The following MEGF6 variants were observed in gnomAD, a reference collection of about 807,000 sequenced individuals.
The protein encoded by MEGF6 is multiple EGF like domains 6.
In MEGF6, 184 loss-of-function variants were observed where a neutral mutation model predicts 207.1. The ratio of observed to expected loss-of-function variants is 0.89; its 90% CI spans 0.79 to 1.00. The LOEUF (loss-of-function observed/expected upper bound fraction) is 1.00. Ranked by LOEUF, MEGF6 falls within the 50% of genes least tolerant of loss-of-function variation. The pLI is 0.00. For synonymous variants in MEGF6, 1,038 were observed against 910.0 expected (o/e 1.14, Z -2.53); for missense variants, 2,282 against 2,202.9 (o/e 1.04, Z -0.72).
chr1:3,577,829 G>GC (rs905619129), intron 4 of MEGF6, among the ~76,000 whole-genome samples: 3 of 152,204 alleles, frequency 2.0e-5, no homozygotes, highest in Admixed American at 1.3e-4. Context: ...TGGGCATGGA[G>GC]CCCCCCCAAC....
rs141922029 is a variant in MEGF6, at chr1:3,564,773, C to T, written c.481+15052G>A. Among the ~76,000 whole-genome samples the T allele has an allele frequency of 1.1e-4, 17 of 152,230 alleles. No individual in the cohort carries two copies. The East Asian group carries it at 3.1e-3, about 28-fold the overall frequency. ...CTGGACAAACCCACTCTGCACCAGG[C>T]TCCCCCAAAGCTGGGGACGGGCCCC... On this transcript the variant is annotated intron_variant, in intron 4 of 36. Coordinates refer to ENST00000356575, the MANE Select transcript of MEGF6 (RefSeq NM_001409.4).
Position 3,611,411 on chromosome 1 carries a change from GA to G in MEGF6, c.-144del. On this transcript the variant is annotated 5_prime_UTR_variant, in exon 1 of 37. Coordinates refer to ENST00000356575, the MANE Select transcript of MEGF6 (RefSeq NM_001409.4). The stretch of plus-strand genomic sequence containing the variant: ...GGAGCCCAAGGTCGCTGCAGGTGCG[GA>G]GCGTCCCGGCTTCCCGCCCGCGCCC... 1 of 1,184,746 alleles carries G rather than the reference GA, an allele frequency of 8.4e-7. No homozygotes were observed. The highest frequency in any genetic ancestry group is 1.1e-6 in the Non-Finnish European group (1 of 917,660). The allele number at this position is 1,184,746 out of a possible 1,614,324, so 73.4% of individuals were successfully genotyped here.
Position 3,500,966 on chromosome 1 carries a change from C to T in MEGF6, c.2575G>A (p.Ala859Thr). The change falls in exon 20 of 37, where the codon GCC (alanine) becomes ACC (threonine). Residue 859 changes from alanine (A) to threonine (T), a missense_variant and splice_region_variant. Ala to Thr is a moderately conservative substitution (Grantham distance 58, BLOSUM62 0). Transcript: ENST00000356575. ...PGWTGFSCQR[A>T]CDTGHWGPDC... ...AAGGGCAAGCCAAGGGCCCCCGTACCTCTCTGGCAGCTAAAGCCGGTCCAC... is the reference window on the plus strand; with the variant it reads ...AAGGGCAAGCCAAGGGCCCCCGTACTTCTCTGGCAGCTAAAGCCGGTCCAC... The T allele has an allele frequency of 1.2e-6, 2 of 1,611,610 alleles. No homozygotes were observed. The highest frequency in any genetic ancestry group is 1.7e-5 in the Admixed American group (1 of 60,016).
chr1:3,491,611 C>G (rs1028399237), intron 35 of MEGF6, among the ~76,000 whole-genome samples: 1 of 152,122 alleles, frequency 6.6e-6, no homozygotes, highest in Non-Finnish European at 1.5e-5. Flanking sequence ...CGGAGGACCC[C>G]AAGTGTGAAA....
At chr1:3,496,928 TG>T in intron 28 of MEGF6, 59 bp downstream of exon 28, 1 of 1,532,596 alleles carries the variant, frequency 6.5e-7, no homozygotes, top group East Asian at 2.5e-5. Context: ...CCAGGGGAAC[TG>T]GGGCCCAGCA....
At chr1:3,490,629 C>T (rs781366770) in intron 36 of MEGF6, 40 bp from the exon 37 acceptor site, 73 of 1,602,558 alleles carry the variant, frequency 4.6e-5, no homozygotes, top group Non-Finnish European at 5.4e-5. Context: ...CAGGGTGGGG[C>T]GGGTGCTCCC....
rs374617309 is a variant in MEGF6 at position 3,501,937 on chromosome 1, C to T, written c.2189-16G>A. ...ACCGGGCACTCTGCAGGAGAAAGCACGAGGGGCCTTAGCCGCACCACGTGG... is the reference window on the plus strand; with the variant it reads ...ACCGGGCACTCTGCAGGAGAAAGCATGAGGGGCCTTAGCCGCACCACGTGG... On this transcript the variant is annotated splice_polypyrimidine_tract_variant and intron_variant, in intron 17 of 36. Coordinates refer to ENST00000356575, the MANE Select transcript of MEGF6 (RefSeq NM_001409.4). The T allele has an allele frequency of 5.3e-5, 85 of 1,605,374 alleles. No individual in the cohort carries two copies. In the Admixed American group the frequency reaches 1.3e-3, roughly 24 times the overall value.
intron 10 of MEGF6, 131 bp from the exon 11 acceptor site, chr1:3,510,123 C>T: frequency 7.9e-7 from 1 of 1,263,802 alleles, no homozygotes; most frequent in Non-Finnish European, 1.1e-6. Flanking sequence ...ATCTCTTCAA[C>T]CAGCCAGTAA....
chr1:3,513,015 G>T (rs1004876597), intron 7 of MEGF6, among the ~76,000 whole-genome samples: 1 of 152,114 alleles, frequency 6.6e-6, no homozygotes, highest in African/African-American at 2.4e-5. Context: ...GGATGGTGTG[G>T]TGTGGCAGAG....
Position 3,499,441 on chromosome 1 carries a change from G to A in MEGF6, c.2965+147C>T, listed in dbSNP as rs530543293. On this transcript the variant is annotated intron_variant, in intron 23 of 36. Coordinates refer to ENST00000356575, the MANE Select transcript of MEGF6 (RefSeq NM_001409.4). ...AGAGTGGCCACAAAAAAGGACCAACGCTCTGGCCCGAGTGAGCAAAGCATC... is the reference window on the plus strand; with the variant it reads ...AGAGTGGCCACAAAAAAGGACCAACACTCTGGCCCGAGTGAGCAAAGCATC... 11,072 of 1,409,082 alleles carry A rather than the reference G, an allele frequency of 7.9e-3. 63 individuals carry two copies. The highest frequency in any genetic ancestry group is 9.1e-3 in the Non-Finnish European group (9,617 of 1,055,958). The allele number at this position is 1,409,082 out of a possible 1,614,324, so 87.3% of individuals were successfully genotyped here. A position where few individuals can be genotyped will look rare whatever the true frequency, so the allele number is the denominator to read the frequency against.
At chr1:3,562,377 T>C (rs1187942116) in intron 4 of MEGF6, among the ~76,000 whole-genome samples, 1 of 152,204 alleles carries the variant, frequency 6.6e-6, no homozygotes, top group Non-Finnish European at 1.5e-5. Context: ...TCTTTGTGTC[T>C]CCCTCTCTGT....
At chr1:3,517,193 C>T (rs1641574428) in intron 5 of MEGF6, among the ~76,000 whole-genome samples, 1 of 152,232 alleles carries the variant, frequency 6.6e-6, no homozygotes, top group Admixed American at 6.5e-5. Context: ...CAGGCAGGCA[C>T]AGGGGGCACA....
intron 4 of MEGF6, among the ~76,000 whole-genome samples, chr1:3,574,388 G>C (rs1313726728): frequency 6.6e-6 from 1 of 152,020 alleles, no homozygotes; most frequent in Non-Finnish European, 1.5e-5. Flanking sequence ...AAACTTGTCC[G>C]GAACAAATTG....
chr1:3,494,860 A>C (rs1640535892), intron 30 of MEGF6, 119 bp from the exon 31 acceptor site: 1 of 1,392,268 alleles, frequency 7.2e-7, no homozygotes, highest in African/African-American at 1.5e-5. Context: ...CATCAGTGCC[A>C]GTCTCTGCCT....
chr1:3,498,371 G>T lies in MEGF6; in HGVS notation c.3352C>A (p.Pro1118Thr), dbSNP rs369480807. 6.2e-6 allele frequency: 10 copies of T among 1,600,406 alleles called. No individual in the cohort carries two copies. The African/African-American group carries it at 8.0e-5, about 13-fold the overall frequency. ...AGWTGDKCQS[P>T]CLRGWFGEAC... is the part of the protein sequence containing the mutation. ...CCCCCTGCTGCCCCGCCCCACTCACGGCTCTGACACTTGTCCCCAGTCCAG... is the reference window on the plus strand; with the variant it reads ...CCCCCTGCTGCCCCGCCCCACTCACTGCTCTGACACTTGTCCCCAGTCCAG... Residue 1118 changes from proline (P) to threonine (T), a missense_variant and splice_region_variant, in exon 26 of 37, where the codon CCC becomes ACC. Transcript: ENST00000356575.
chr1:3,571,143 C>A (rs565041418), intron 4 of MEGF6, among the ~76,000 whole-genome samples: 3 of 152,226 alleles, frequency 2.0e-5, no homozygotes, highest in East Asian at 3.9e-4. Context: ...CCTGGGCCAT[C>A]CCACAAGGAG....
intron 4 of MEGF6, among the ~76,000 whole-genome samples, chr1:3,547,887 T>C (rs6685801): frequency 0.24 from 37,050 of 152,092 alleles, 8,277 homozygotes; most frequent in African/African-American, 0.59. Flanking sequence ...GTGACTGGGC[T>C]GGTAGGAGCA....
intron 4 of MEGF6, among the ~76,000 whole-genome samples, chr1:3,558,279 C>A (rs751043957): frequency 2.6e-5 from 4 of 152,178 alleles, no homozygotes; most frequent in Non-Finnish European, 5.9e-5. Flanking sequence ...CCCACTCCAC[C>A]AACTGGTCAT....
chr1:3,528,607 CTTATAAGAG>C (rs1447525684), intron 4 of MEGF6, among the ~76,000 whole-genome samples: 6 of 152,140 alleles, frequency 3.9e-5, no homozygotes, highest in Non-Finnish European at 8.8e-5. Context: ...TCACAGGGTC[CTTATAAGAG>C]GGAGGCAGGA....
Sources: allele counts gnomAD v4.1 joint callset (sites outside exome capture counted in the v4.1 genomes callset), GRCh38; gene constraint gnomAD v4.1.1; transcripts MANE v1.5; gene names NCBI Gene and HGNC (gene_info 2026-07-23, HGNC 2026-07-21).